Variants in NCBP1 observed in about 807,000 individuals in gnomAD.
NCBP1 encodes the protein nuclear cap binding protein subunit 1, also known as nuclear cap-binding protein subunit 1.
Under a neutral mutation model 111.7 loss-of-function variants are expected in NCBP1, and 16 were observed. That is an observed-to-expected ratio of 0.14 (90% CI 0.10 to 0.22). The LOEUF (loss-of-function observed/expected upper bound fraction) is 0.22, where lower values mean the gene tolerates loss of function less well. Among genes scored for constraint, NCBP1 ranks in the 10% least tolerant of loss-of-function variants. The probability of loss-of-function intolerance (pLI) is 1.00; values close to 1 mark genes in which losing one functional copy is unlikely to be tolerated. For missense variants in NCBP1, 607 were observed against 957.5 expected (o/e 0.63, Z 4.83); for synonymous variants, 304 against 314.3 (o/e 0.97, Z 0.35).
In NCBP1 at chr9:97,671,254, T is replaced by TTA. The variant is rs1443685085; in HGVS notation, c.*57_*58dup. On this transcript the variant is annotated 3_prime_UTR_variant, in exon 23 of 23. Coordinates refer to ENST00000375147, the MANE Select transcript of NCBP1 (RefSeq NM_002486.5). ...TTTTGATATCTTAAAATAATTTGTC[T>TTA]TATTTTTTGATGGTTTGAATGCTTG... The TTA allele has an allele frequency of 2.3e-6, 3 of 1,307,044 alleles. No homozygotes were observed. Among genetic ancestry groups the TTA allele is most frequent in the Non-Finnish European group, 3.3e-6 (3 of 922,352 alleles). The allele number at this position is 1,307,044 out of a possible 1,614,324, so 81.0% of individuals were successfully genotyped here.
chr9:97,649,738 A>T (rs1588002690), intron 8 of NCBP1, among the ~76,000 whole-genome samples: 4 of 145,504 alleles, frequency 2.7e-5, no homozygotes, highest in Admixed American at 6.8e-5. Context: ...GTGGTCGGGT[A>T]TTTTTTTTTT....
chr9:97,642,228 T>C (rs1827224063), intron 3 of NCBP1, among the ~76,000 whole-genome samples: 1 of 152,126 alleles, frequency 6.6e-6, no homozygotes, highest in South Asian at 2.1e-4. Context: ...AAGGAAATCT[T>C]CTGAAATCCT....
intron 14 of NCBP1, among the ~76,000 whole-genome samples, chr9:97,658,339 TA>T (rs1827731772): frequency 6.6e-6 from 1 of 152,340 alleles, no homozygotes; most frequent in East Asian, 1.9e-4. Context: ...TGATAGAATA[TA>T]GCCAGTTTCC....
intron 4 of NCBP1, among the ~76,000 whole-genome samples, chr9:97,644,495 C>G (rs1233838676): frequency 6.6e-6 from 1 of 152,132 alleles, no homozygotes; most frequent in African/African-American, 2.4e-5. Flanking sequence ...CTTAATTTGC[C>G]TTTTAGTGTG....
At chr9:97,647,375 A>C (rs1033702977) in intron 6 of NCBP1, 117 bp from the exon 7 acceptor site, 4 of 713,436 alleles carry the variant, frequency 5.6e-6, no homozygotes, top group Admixed American at 4.8e-5. Context: ...GATATCTGCC[A>C]CTCCAGTAGG....
At chr9:97,656,240 A>C (rs1335903847) in intron 14 of NCBP1, among the ~76,000 whole-genome samples, 155 bp downstream of exon 14, 1 of 152,240 alleles carries the variant, frequency 6.6e-6, no homozygotes, top group Non-Finnish European at 1.5e-5. Flanking sequence ...AAAATTAGGC[A>C]ACCATGCCAT....
chr9:97,644,144 A>G (rs950033900), intron 4 of NCBP1, among the ~76,000 whole-genome samples: 1 of 152,214 alleles, frequency 6.6e-6, no homozygotes, highest in African/African-American at 2.4e-5. Context: ...TCATAAATAC[A>G]TATGTATGTG....
Position 97,648,042 on chromosome 9 carries a change from T to G in NCBP1, c.716T>G (p.Leu239Trp). 6.2e-7 allele frequency: 1 copy of G among 1,614,074 alleles called. No homozygotes were observed. The highest frequency in any genetic ancestry group is 8.5e-7 in the Non-Finnish European group (1 of 1,179,990). Residue 239 changes from leucine (L) to tryptophan (W), a missense_variant, in exon 8 of 23, where the codon TTG becomes TGG. This residue lies in a region of NCBP1 where 53 missense variants were observed against 144.8 expected (regional missense o/e 0.37). Coordinates refer to ENST00000375147, the MANE Select transcript of NCBP1 (RefSeq NM_002486.5). ...TGCCTGTGGGCCCAGATTCAGAAAT[T>G]GAAAAAGGATCGCTGGCAGGAACGG... ...LDCLWAQIQK[L>W]KKDRWQERHI...
intron 6 of NCBP1, among the ~76,000 whole-genome samples, chr9:97,646,232 T>G (rs1827331334): frequency 6.6e-6 from 1 of 152,194 alleles, no homozygotes; most frequent in East Asian, 1.9e-4. Context: ...TAACCCTCCA[T>G]CCAGCCAGTA....
Position 97,634,012 on chromosome 9 carries a change from C to G in NCBP1, c.34+97C>G, listed in dbSNP as rs1015490380. 1.7e-5 allele frequency: 23 copies of G among 1,358,286 alleles called. No homozygotes were observed. The Admixed American group carries it at 2.0e-4, about 12-fold the overall frequency. 84.1% of individuals were successfully genotyped at this position (1,358,286 alleles called of 1,614,324 possible). On this transcript the variant is annotated intron_variant, in intron 1 of 22. Transcript: ENST00000375147. ...ACGGAAGAGACTGGAAGCTCTTCTC[C>G]CCGGGAACGTGCGGGGAGCCGCGGA...
Position 97,645,196 on chromosome 9 carries a change from G to C in NCBP1, c.461G>C (p.Ser154Thr), listed in dbSNP as rs954834241. The change falls in exon 5 of 23, where the codon AGC (serine) becomes ACC (threonine). Residue 154 changes from serine (S) to threonine (T), a missense_variant. By Grantham distance (58) the Ser-to-Thr change is moderately conservative. This residue lies in a region of NCBP1 where 185 missense variants were observed against 272.0 expected (regional missense o/e 0.68). Transcript: ENST00000375147. ...SMVAMFENFV[S>T]VTQEEDVPQV... ...GTTGCTATGTTTGAAAATTTTGTAAGCGTAACTCAGGAAGAAGATGTACCT... is the reference window on the plus strand; with the variant it reads ...GTTGCTATGTTTGAAAATTTTGTAACCGTAACTCAGGAAGAAGATGTACCT... 3 of 1,613,054 alleles carry C rather than the reference G, an allele frequency of 1.9e-6. No homozygotes were observed. In the African/African-American group the frequency reaches 4.0e-5, roughly 22 times the overall value.
Position 97,663,035 on chromosome 9 carries a change from G to T in NCBP1, c.1785G>T (p.Arg595Ser). The T allele has an allele frequency of 3.1e-6, 5 of 1,609,836 alleles. No homozygotes were observed. Among genetic ancestry groups the T allele is most frequent in the Non-Finnish European group, 4.2e-6 (5 of 1,177,852 alleles). The change falls in exon 18 of 23, where the codon AGG (arginine) becomes AGT (serine). Residue 595 changes from arginine to serine, a missense_variant. Coordinates refer to ENST00000375147, the MANE Select transcript of NCBP1 (RefSeq NM_002486.5). ...TAAGAGTTATGTTTGAGGTCTGGAG[G>T]AACCATCCACAGGTAAAAATTATTT... ...HVLRVMFEVWRNHPQMIAVLV... is the reference protein window; with the variant it reads ...HVLRVMFEVWSNHPQMIAVLV...
chr9:97,643,103 C>A, intron 3 of NCBP1, 101 bp from the exon 4 acceptor site: 1 of 1,206,230 alleles, frequency 8.3e-7, no homozygotes, highest in Non-Finnish European at 1.1e-6. Context: ...AAAAGTAATC[C>A]TGTTCCAAAG....
At chr9:97,634,990 C>G (rs916456258) in intron 1 of NCBP1, among the ~76,000 whole-genome samples, 1 of 152,116 alleles carries the variant, frequency 6.6e-6, no homozygotes, top group African/African-American at 2.4e-5. Context: ...CATTTGCCAA[C>G]GCTTAAGAGG....
intron 12 of NCBP1, among the ~76,000 whole-genome samples, 200 bp downstream of exon 12, chr9:97,655,144 T>C (rs557325112): frequency 2.0e-5 from 3 of 152,360 alleles, no homozygotes; most frequent in East Asian, 1.9e-4. Context: ...TTTTCTTTAA[T>C]TTCATTCTCT....
chr9:97,670,720 G>T (rs571252680), intron 22 of NCBP1, among the ~76,000 whole-genome samples: 1 of 152,234 alleles, frequency 6.6e-6, no homozygotes, highest in South Asian at 2.1e-4. Context: ...AGTCCGTCTG[G>T]CTGCTTTTTA....
intron 17 of NCBP1, among the ~76,000 whole-genome samples, chr9:97,662,557 G>C (rs1008878583): frequency 6.6e-6 from 1 of 152,192 alleles, no homozygotes; most frequent in Non-Finnish European, 1.5e-5. Flanking sequence ...TCCAAAGGAA[G>C]AAAGAGCACA....
chr9:97,636,175 A>G (rs2131327858), intron 1 of NCBP1: 1 of 148,208 alleles, frequency 6.7e-6, no homozygotes, highest in South Asian at 2.1e-4. Context: ...GTCAGTTGCC[A>G]CAATTTGGAT....
chr9:97,658,727 T>C lies in NCBP1; in HGVS notation c.1461T>C (p.Tyr487=), dbSNP rs781521516. Residue 487 remains tyrosine, a synonymous_variant, in exon 15 of 23, where the codon TAT becomes TAC. Coordinates refer to ENST00000375147, the MANE Select transcript of NCBP1 (RefSeq NM_002486.5). Reference sequence around the variant, plus strand: ...CAAACCCAACCTGCATTTACAAGTATGGAGATGAAAGTAGCAGTAAGTAAT... The same window carrying C: ...CAAACCCAACCTGCATTTACAAGTACGGAGATGAAAGTAGCAGTAAGTAAT... The part of the protein sequence containing the change: ...CPANPTCIYK[Y]GDESSNSLPG... 1.2e-6 allele frequency: 2 copies of C among 1,607,606 alleles called. No individual in the cohort carries two copies. Among genetic ancestry groups the C allele is most frequent in the South Asian group, 2.2e-5 (2 of 90,948 alleles).
Sources: gnomAD v4.1 joint callset for allele counts (sites outside exome capture counted in the v4.1 genomes callset) on GRCh38, gnomAD v4.1.1 for gene constraint, gnomAD v4.1.1 regional missense constraint, MANE v1.5 for transcripts, NCBI Gene and HGNC (gene_info 2026-07-23, HGNC 2026-07-21) for gene names.